TENM3: variants seen among roughly 807,000 people sequenced by gnomAD.
The protein encoded by TENM3 is teneurin-3.
A neutral mutation model predicts 255.1 loss-of-function variants in TENM3; 63 were observed. That is an observed-to-expected ratio of 0.25 (90% CI 0.20 to 0.30). The LOEUF (loss-of-function observed/expected upper bound fraction) is 0.30, where lower values mean the gene tolerates loss of function less well. Among genes scored for constraint, TENM3 ranks in the 10% least tolerant of loss-of-function variants. The pLI, the probability that TENM3 is intolerant of heterozygous loss-of-function variation, is 1.00. For synonymous variants in TENM3, 1,306 were observed against 1,322.3 expected, an observed-to-expected ratio of 0.99 and a Z score of 0.27; for missense variants, 2,929 against 3,461.1, an observed-to-expected ratio of 0.85 and a Z score of 3.86.
At chr4:182,560,279 C>G (rs1192316567) in intron 3 of TENM3, among the ~76,000 whole-genome samples, 1 of 152,110 alleles carries the variant, frequency 6.6e-6, no homozygotes, top group Non-Finnish European at 1.5e-5. Flanking sequence ...AACTAAAAAA[C>G]TGAAGTATGA....
chr4:181,560,880 G>A, the TENM3 span, among the ~76,000 whole-genome samples: 236 of 152,276 alleles, frequency 1.5e-3, 2 homozygotes, highest in Non-Finnish European at 2.8e-3. Context: ...TGGCTCTAAA[G>A]CTTTTTTTGT....
the TENM3 span, among the ~76,000 whole-genome samples, chr4:182,125,608 A>T: frequency 6.6e-6 from 1 of 152,202 alleles, no homozygotes; most frequent in Non-Finnish European, 1.5e-5. Context: ...ATTGGATTTA[A>T]AGGAGATGAG....
At chr4:181,595,320 A>T in the TENM3 span, among the ~76,000 whole-genome samples, 6 of 151,568 alleles carry the variant, frequency 4.0e-5, no homozygotes, top group South Asian at 6.3e-4. Flanking sequence ...AATCTCAGAT[A>T]CTTGGGAGGC....
At chr4:181,605,832 A>G in the TENM3 span, among the ~76,000 whole-genome samples, 1 of 152,186 alleles carries the variant, frequency 6.6e-6, no homozygotes, top group African/African-American at 2.4e-5. Flanking sequence ...AAATCTTTTG[A>G]TAGTATTGGG....
rs1270887081 is a variant in TENM3, at chr4:182,743,220, C to G, written c.3430C>G (p.Pro1144Ala). ...AAACCAGTTCATCTCCCAGCAGCCT[C>G]CAGTCGTGAGTAGCATCATGGGCAA... Reference protein sequence around the residue: ...GENQFISQQPPVVSSIMGNGR... With the variant: ...GENQFISQQPAVVSSIMGNGR... The change falls in exon 19 of 28, where the codon CCA becomes GCA. Residue 1144 changes from proline (P) to alanine (A), a missense_variant. By Grantham distance (27) the Pro-to-Ala change is conservative. Coordinates refer to ENST00000511685, the MANE Select transcript of TENM3 (RefSeq NM_001080477.4). 1.9e-6 allele frequency: 3 copies of G among 1,613,846 alleles called. No individual in the cohort carries two copies. The highest frequency in any genetic ancestry group is 2.5e-6 in the Non-Finnish European group (3 of 1,179,842).
chr4:182,625,873 C>G (rs887653710), intron 4 of TENM3, among the ~76,000 whole-genome samples: 3 of 152,220 alleles, frequency 2.0e-5, no homozygotes, highest in East Asian at 1.9e-4. Flanking sequence ...CTGAAAAGAG[C>G]GAGAATCTAG....
chr4:182,116,124 T>C, the TENM3 span, among the ~76,000 whole-genome samples: 1 of 152,196 alleles, frequency 6.6e-6, no homozygotes, highest in Non-Finnish European at 1.5e-5. Context: ...ATATATGACA[T>C]GTATCCATCA....
chr4:182,171,807 C>A (rs1752128219), intron 1 of TENM3, among the ~76,000 whole-genome samples: 1 of 152,120 alleles, frequency 6.6e-6, no homozygotes, highest in Non-Finnish European at 1.5e-5. Flanking sequence ...TATCACAAGA[C>A]TATTAAATAG....
intron 5 of TENM3, among the ~76,000 whole-genome samples, chr4:182,629,718 G>A (rs892729541): frequency 2.0e-5 from 3 of 152,000 alleles, no homozygotes; most frequent in Admixed American, 1.3e-4. Context: ...TGCATCCTCA[G>A]GTTTACAAAG....
At chr4:181,720,608 T>C in the TENM3 span, among the ~76,000 whole-genome samples, 7 of 152,048 alleles carry the variant, frequency 4.6e-5, no homozygotes. Context: ...TTTAAAACTA[T>C]AAAGTCCTTT....
At chr4:182,461,043 TTACA>T (rs1474363534) in intron 3 of TENM3, among the ~76,000 whole-genome samples, 1 of 152,206 alleles carries the variant, frequency 6.6e-6, no homozygotes, top group East Asian at 1.9e-4. Flanking sequence ...TTCTTTCCAC[TTACA>T]TAGTCAATCC....
chr4:181,616,281 C>CAA, the TENM3 span, among the ~76,000 whole-genome samples: 416 of 84,064 alleles, frequency 4.9e-3, 7 homozygotes, highest in Non-Finnish European at 6.4e-3. Flanking sequence ...TAAAGGTTTC[C>CAA]AAAAAAAAAA....
chr4:182,685,703 A>G (rs1756518667), intron 11 of TENM3, among the ~76,000 whole-genome samples: 1 of 152,126 alleles, frequency 6.6e-6, no homozygotes, highest in African/African-American at 2.4e-5. Flanking sequence ...TAAAACAGGC[A>G]TATTAAGACT....
chr4:181,851,343 C>T, the TENM3 span, among the ~76,000 whole-genome samples: 10 of 152,138 alleles, frequency 6.6e-5, no homozygotes, highest in African/African-American at 2.4e-4. Context: ...ACTCCATGTC[C>T]CAAAGTCGGA....
At chr4:181,653,563 G>C in the TENM3 span, among the ~76,000 whole-genome samples, 1 of 151,912 alleles carries the variant, frequency 6.6e-6, no homozygotes, top group Non-Finnish European at 1.5e-5. Flanking sequence ...ACCACACCCG[G>C]CTAATTTTTG....
At chr4:181,512,405 G>C in the TENM3 span, among the ~76,000 whole-genome samples, 1 of 151,870 alleles carries the variant, frequency 6.6e-6, no homozygotes, top group Non-Finnish European at 1.5e-5. Flanking sequence ...TTTTTTCTTA[G>C]TAAGAAAATG....
At chr4:182,161,802 T>TATAC (rs1561153501) in intron 1 of TENM3, among the ~76,000 whole-genome samples, 1 of 46,004 alleles carries the variant, frequency 2.2e-5, no homozygotes, top group Non-Finnish European at 3.9e-5. Flanking sequence ...TGTATATATA[T>TATAC]ACACATATAT....
chr4:182,462,600 A>C (rs986702333), intron 3 of TENM3, among the ~76,000 whole-genome samples: 1 of 151,910 alleles, frequency 6.6e-6, no homozygotes, highest in Non-Finnish European at 1.5e-5. Flanking sequence ...ATATGTAGTT[A>C]AAACTGTTTT....
At chr4:181,666,487 T>C in the TENM3 span, among the ~76,000 whole-genome samples, 1 of 152,150 alleles carries the variant, frequency 6.6e-6, no homozygotes. Context: ...TTAGAAAGAT[T>C]AAAAAGCAGA....
Sources: allele counts gnomAD v4.1 joint callset (sites outside exome capture counted in the v4.1 genomes callset), GRCh38; gene constraint gnomAD v4.1.1; transcripts MANE v1.5; gene names NCBI Gene and HGNC (gene_info 2026-07-23, HGNC 2026-07-21).